Variants in COG6 observed in about 807,000 individuals in gnomAD.
COG6 encodes conserved oligomeric Golgi complex subunit 6.
A neutral mutation model predicts 88.8 loss-of-function variants in COG6; 74 were observed. That is an observed-to-expected ratio of 0.83 (90% CI 0.69 to 1.01). The LOEUF (loss-of-function observed/expected upper bound fraction) is 1.01. COG6 is among the 50% of genes least tolerant of loss of function. The probability of loss-of-function intolerance (pLI) is 0.00; values close to 1 mark genes in which losing one functional copy is unlikely to be tolerated. For synonymous variants in COG6, 286 were observed against 278.7 expected (o/e 1.03, Z -0.26); for missense variants, 800 against 797.9 (o/e 1.00, Z -0.03).
At chr13:39,753,653 A>G (rs1219272013), downstream of COG6, among the ~76,000 whole-genome samples, 1 of 152,064 alleles carries the variant, frequency 6.6e-6, no homozygotes, top group African/African-American at 2.4e-5. Context: ...TCTTTCTATG[A>G]CAGGATATTC....
At chr13:39,727,396 G>A (rs549273569) in intron 17 of COG6, 73 bp from the exon 18 acceptor site, 1 of 1,064,416 alleles carries the variant, frequency 9.4e-7, no homozygotes, top group East Asian at 2.4e-5. Context: ...ATTCTTAAAA[G>A]AGATGTTTAT....
chr13:39,788,999 A>G (rs1426242273), exon 19 of COG6: 2 of 152,272 alleles, frequency 1.3e-5, no homozygotes, highest in African/African-American at 4.8e-5. Context: ...CAAAAGGCAA[A>G]AAAGGATATA....
chr13:39,662,028 A>G (rs1478662829), intron 3 of COG6, among the ~76,000 whole-genome samples: 2 of 151,596 alleles, frequency 1.3e-5, no homozygotes, highest in Non-Finnish European at 2.9e-5. Context: ...ACTTTTCATC[A>G]TAGAGAGATT....
intron 11 of COG6, among the ~76,000 whole-genome samples, chr13:39,690,877 A>G (rs1291410822): frequency 6.6e-6 from 1 of 151,946 alleles, no homozygotes; most frequent in Non-Finnish European, 1.5e-5. Context: ...TGATGTAGAC[A>G]TATATAACTT....
intron 18 of COG6, among the ~76,000 whole-genome samples, chr13:39,728,127 A>AT (rs796806588): frequency 4.0e-5 from 6 of 151,518 alleles, no homozygotes; most frequent in East Asian, 1.9e-4. Context: ...TTATCTACAC[A>AT]TTTTTTTTTC....
Position 39,677,567 on chromosome 13 carries a change from A to ACC in COG6, c.530_531dup (p.Ile178ProfsTer13). 1 of 1,596,006 alleles carries ACC rather than the reference A, an allele frequency of 6.3e-7. No homozygotes were observed. The highest frequency in any genetic ancestry group is 8.6e-7 in the Non-Finnish European group (1 of 1,163,922). ...GTCTTCTCCGAGGTACAAGAGAAGG[A>ACC]CCCATTACTGAGGTATCCTGGCTTT... On this transcript the variant is annotated frameshift_variant, in exon 5 of 19. Coordinates refer to ENST00000455146, the MANE Select transcript of COG6 (RefSeq NM_020751.3). LOFTEE classifies it high-confidence loss of function.
chr13:39,724,611 G>A, intron 17 of COG6, 50 bp downstream of exon 17: 1 of 1,354,264 alleles, frequency 7.4e-7, no homozygotes, highest in South Asian at 1.2e-5. Flanking sequence ...TGGATCGATA[G>A]TCTTCATTTT....
At position 39,720,090 on chromosome 13, in the gene COG6, T is replaced by G. The variant is rs548391132; in HGVS notation, c.1584+263T>G. Reference sequence around the variant, plus strand: ...AATGTGTAATGTTTAAAATACTTGATTCATACCATAATATGTGATAGTAGA... The same window carrying G: ...AATGTGTAATGTTTAAAATACTTGAGTCATACCATAATATGTGATAGTAGA... On this transcript the variant is annotated intron_variant, in intron 15 of 18. Transcript: ENST00000455146. Among the ~76,000 whole-genome samples the G allele has an allele frequency of 1.6e-4, 25 of 152,044 alleles. No homozygotes were observed. The East Asian group carries it at 4.8e-3, about 29-fold the overall frequency.
intron 18 of COG6, among the ~76,000 whole-genome samples, chr13:39,760,547 A>G (rs970651508): frequency 6.6e-6 from 1 of 152,190 alleles, no homozygotes; most frequent in Non-Finnish European, 1.5e-5. Flanking sequence ...TACAAAAAAG[A>G]AAATAATTTC....
At chr13:39,758,872 A>G (rs866229253) in intron 18 of COG6, among the ~76,000 whole-genome samples, 1 of 152,232 alleles carries the variant, frequency 6.6e-6, no homozygotes, top group African/African-American at 2.4e-5. Context: ...ATATCCATAC[A>G]ATGAAATATT....
intron 18 of COG6, 63 bp from the exon 19 acceptor site, chr13:39,750,881 TTA>T: frequency 7.8e-7 from 1 of 1,283,564 alleles, no homozygotes; most frequent in Non-Finnish European, 1.1e-6. Context: ...TCAAGCTGTC[TTA>T]CAATTCTTAG....
intron 18 of COG6, among the ~76,000 whole-genome samples, chr13:39,736,788 A>T (rs1879770439): frequency 6.6e-6 from 1 of 152,168 alleles, no homozygotes; most frequent in Non-Finnish European, 1.5e-5. Context: ...TCTGTCTGAA[A>T]GGTCACATAT....
intron 18 of COG6, among the ~76,000 whole-genome samples, chr13:39,767,482 G>A (rs74600853): frequency 2.0e-5 from 3 of 152,128 alleles, no homozygotes; most frequent in Non-Finnish European, 4.4e-5. Flanking sequence ...TTCTTACTGG[G>A]GGCATTGATG....
At chr13:39,763,197 T>G (rs996476227) in intron 18 of COG6, among the ~76,000 whole-genome samples, 2 of 151,876 alleles carry the variant, frequency 1.3e-5, no homozygotes, top group Admixed American at 1.3e-4. Context: ...TGTTTTTGTA[T>G]ATTTAGTAGC....
intron 17 of COG6, among the ~76,000 whole-genome samples, chr13:39,725,360 G>A (rs1182704133): frequency 6.6e-6 from 1 of 151,790 alleles, no homozygotes; most frequent in Non-Finnish European, 1.5e-5. Context: ...TTTAACTACT[G>A]TACTAAACTA....
At chr13:39,679,810 G>A (rs1876203057) in intron 6 of COG6, 165 bp from the exon 7 acceptor site, 4 of 677,478 alleles carry the variant, frequency 5.9e-6, no homozygotes, top group Non-Finnish European at 2.6e-6. Context: ...ATAAGTGATG[G>A]TTAAAATGTG....
At chr13:39,714,194 A>G (rs1167099687) in intron 13 of COG6, among the ~76,000 whole-genome samples, 1 of 150,386 alleles carries the variant, frequency 6.6e-6, no homozygotes, top group African/African-American at 2.4e-5. Context: ...TTGTTTGGCA[A>G]TTAAAAATCT....
At chr13:39,715,920 T>C (rs184114213) in intron 13 of COG6, among the ~76,000 whole-genome samples, 2 of 152,062 alleles carry the variant, frequency 1.3e-5, no homozygotes, top group African/African-American at 4.8e-5. Context: ...GAAATAACAT[T>C]AGTTAACTTT....
At chr13:39,699,639 T>C (rs750042999) in intron 13 of COG6, 21 bp downstream of exon 13, 1 of 1,029,252 alleles carries the variant, frequency 9.7e-7, no homozygotes, top group Non-Finnish European at 1.5e-6. Context: ...AAAATGTAAT[T>C]ATTAAATTAT....
Sources: gnomAD v4.1 joint callset for allele counts (sites outside exome capture counted in the v4.1 genomes callset) on GRCh38, gnomAD v4.1.1 for gene constraint, MANE v1.5 for transcripts, NCBI Gene and HGNC (gene_info 2026-07-23, HGNC 2026-07-21) for gene names.